Variants in SUGP2 observed in about 807,000 individuals in gnomAD.
SUGP2 encodes the protein SURP and G-patch domain-containing protein 2.
A neutral mutation model predicts 90.5 loss-of-function variants in SUGP2; 24 were observed. The observed-to-expected ratio is 0.27, with a 90% CI of 0.19 to 0.37. The LOEUF is 0.37. SUGP2 is among the 10% of genes least tolerant of loss of function. The probability of loss-of-function intolerance (pLI) is 1.00; values close to 1 mark genes in which losing one functional copy is unlikely to be tolerated. For synonymous variants in SUGP2, 473 were observed against 513.4 expected, an observed-to-expected ratio of 0.92 and a Z score of 1.06; for missense variants, 1,233 against 1,363.3, an observed-to-expected ratio of 0.90 and a Z score of 1.51.
At chr19:19,023,996 C>T (rs561498070) in intron 3 of SUGP2, among the ~76,000 whole-genome samples, 175 of 152,220 alleles carry the variant, frequency 1.1e-3, no homozygotes, top group African/African-American at 3.8e-3. Context: ...CAGAAAGGTA[C>T]GAATCCCCCG....
chr19:19,030,457 T>C (rs931120820), intron 2 of SUGP2, among the ~76,000 whole-genome samples: 4 of 152,172 alleles, frequency 2.6e-5, no homozygotes, highest in Non-Finnish European at 5.9e-5. Flanking sequence ...GAGGTTGCAG[T>C]GAGCCAAGAT....
intron 4 of SUGP2, 101 bp from the exon 5 acceptor site, chr19:19,010,443 C>T: frequency 1.4e-6 from 2 of 1,441,120 alleles, no homozygotes; most frequent in Non-Finnish European, 1.9e-6. Context: ...CAACTCCTCA[C>T]TGTCCTCTCC....
chr19:19,029,636 C>CG (rs1371664741), intron 2 of SUGP2, among the ~76,000 whole-genome samples: 9 of 144,014 alleles, frequency 6.2e-5, no homozygotes, highest in African/African-American at 1.8e-4. Context: ...TTAGTAAAGA[C>CG]GGGGTTTCAC....
rs745468829 is a variant in SUGP2, at chr19:19,025,737, C to A, written c.611G>T (p.Arg204Met). ...TCTGGCCTGGACTTGACTGCCGCCCCTAAGCACAGAGTCAGCCTCCCCAGG... is the reference window on the plus strand; with the variant it reads ...TCTGGCCTGGACTTGACTGCCGCCCATAAGCACAGAGTCAGCCTCCCCAGG... Reference protein sequence around the residue: ...DHPGEADSVLRGGSQVQARGR... With the variant: ...DHPGEADSVLMGGSQVQARGR... The change falls in exon 3 of 11, where the codon AGG becomes ATG. Residue 204 changes from arginine to methionine, a missense_variant. By Grantham distance (91) the Arg-to-Met change is moderately conservative (BLOSUM62 -1). Transcript: ENST00000452918. 9.3e-6 allele frequency: 15 copies of A among 1,613,896 alleles called. No individual in the cohort carries two copies. The highest frequency in any genetic ancestry group is 1.3e-5 in the Non-Finnish European group (15 of 1,180,010).
chr19:19,025,740 A>G lies in SUGP2; in HGVS notation c.608T>C (p.Leu203Pro), dbSNP rs971964758. The G allele has an allele frequency of 5.6e-6, 9 of 1,613,790 alleles. No homozygotes were observed. Among genetic ancestry groups the G allele is most frequent in the Non-Finnish European group, 3.4e-6 (4 of 1,179,970 alleles). The change falls in exon 3 of 11, where the codon CTT becomes CCT. Residue 203 changes from leucine (L) to proline (P), a missense_variant. By Grantham distance (98) the Leu-to-Pro change is moderately conservative. Coordinates refer to ENST00000452918, the MANE Select transcript of SUGP2 (RefSeq NM_001017392.5). ...VDHPGEADSV[L>P]RGGSQVQARG... The stretch of plus-strand genomic sequence containing the variant: ...GGCCTGGACTTGACTGCCGCCCCTA[A>G]GCACAGAGTCAGCCTCCCCAGGATG...
At chr19:19,018,880 G>C (rs897615249) in intron 4 of SUGP2, among the ~76,000 whole-genome samples, 1 of 152,168 alleles carries the variant, frequency 6.6e-6, no homozygotes, top group Non-Finnish European at 1.5e-5. Flanking sequence ...ACTTGGAGCT[G>C]TAGTCACAGG....
Position 19,010,341 on chromosome 19 carries a change from A to G in SUGP2, c.1852T>C (p.Phe618Leu). ...TLLKEDPAYW[F>L]LSDENSLEYK... Reference sequence around the variant, plus strand: ...TCCAGACTATTTTCATCAGACAAAAACCTAGATAACAAAACAAGCATAACG... The same window carrying G: ...TCCAGACTATTTTCATCAGACAAAAGCCTAGATAACAAAACAAGCATAACG... Residue 618 changes from phenylalanine (F) to leucine (L), a missense_variant and splice_region_variant, in exon 5 of 11, where the codon TTT (phenylalanine) becomes CTT (leucine). Coordinates refer to ENST00000452918, the MANE Select transcript of SUGP2 (RefSeq NM_001017392.5). 1 of 1,606,712 alleles carries G rather than the reference A, an allele frequency of 6.2e-7. No individual in the cohort carries two copies. Among genetic ancestry groups the G allele is most frequent in the Non-Finnish European group, 8.5e-7 (1 of 1,177,210 alleles).
upstream of SUGP2, chr19:19,033,811 G>A (rs2059296030): frequency 7.8e-6 from 2 of 255,502 alleles, no homozygotes; most frequent in African/African-American, 4.5e-5. Flanking sequence ...GAGTCTCTGG[G>A]AGGCCAAGCC....
At chr19:19,016,214 G>A (rs2058495250) in intron 4 of SUGP2, among the ~76,000 whole-genome samples, 1 of 151,916 alleles carries the variant, frequency 6.6e-6, no homozygotes, top group Non-Finnish European at 1.5e-5. Context: ...TGTATTTTTA[G>A]TAGAGACAGG....
At position 18,991,628 on chromosome 19, in the gene SUGP2, T is replaced by C. The variant is rs1242528798; in HGVS notation, c.*2113A>G. On this transcript the variant is annotated 3_prime_UTR_variant, in exon 11 of 11. Coordinates refer to ENST00000452918, the MANE Select transcript of SUGP2 (RefSeq NM_001017392.5). ...AAAGCACATGGAATGGTCAGGGCGA[T>C]GCTGGAGAGAGTGCGCTTGATCCAC... is the stretch of plus-strand genomic sequence containing the variant. 6.6e-6 allele frequency: 1 copy of C among 152,262 alleles called. No homozygotes were observed. Among genetic ancestry groups the C allele is most frequent in the African/African-American group, 2.4e-5 (1 of 41,454 alleles). 9.4% of individuals were successfully genotyped at this position (152,262 alleles called of 1,614,324 possible). A position where few individuals can be genotyped will look rare whatever the true frequency, so the allele number is the denominator to read the frequency against.
intron 6 of SUGP2, among the ~76,000 whole-genome samples, chr19:19,006,681 C>T (rs766986615): frequency 3.0e-4 from 45 of 152,246 alleles, no homozygotes; most frequent in Admixed American, 5.2e-4. Context: ...GGAAATCCCA[C>T]ATACACAGTG....
chr19:19,009,174 A>G (rs552196044), intron 5 of SUGP2, among the ~76,000 whole-genome samples: 4 of 152,234 alleles, frequency 2.6e-5, no homozygotes, highest in African/African-American at 9.6e-5. Context: ...TGGCCTCCCA[A>G]AGTGCTGGGA....
upstream of SUGP2, chr19:19,033,752 T>G (rs1325112968): frequency 3.9e-6 from 1 of 253,670 alleles, no homozygotes; most frequent in Non-Finnish European, 7.5e-6. Context: ...GGTGGCCTCG[T>G]TGGCTTTACC....
At chr19:19,030,924 A>T in intron 2 of SUGP2, 27 bp downstream of exon 2, 1 of 1,598,574 alleles carries the variant, frequency 6.3e-7, no homozygotes, top group South Asian at 1.1e-5. Flanking sequence ...CCAAAACAAC[A>T]ACTACAACAA....
chr19:18,994,979 G>T (rs2057514175), intron 9 of SUGP2, 165 bp downstream of exon 9: 2 of 796,382 alleles, frequency 2.5e-6, no homozygotes, highest in Non-Finnish European at 4.1e-6. Context: ...GTAAACACCT[G>T]CACATGTAAA....
At chr19:19,020,448 A>G (rs1456698395) in intron 3 of SUGP2, among the ~76,000 whole-genome samples, 4 of 147,760 alleles carry the variant, frequency 2.7e-5, no homozygotes, top group African/African-American at 1.0e-4. Context: ...AAAAAAAGGC[A>G]AATTTTTTTT....
At chr19:19,015,538 G>A (rs545354151) in intron 4 of SUGP2, among the ~76,000 whole-genome samples, 12 of 151,994 alleles carry the variant, frequency 7.9e-5, no homozygotes, top group Middle Eastern at 3.4e-3. Flanking sequence ...GTCATGCTCC[G>A]TTGTACCCAG....
Position 19,008,349 on chromosome 19 carries a change from G to C in SUGP2, c.2418C>G (p.Ser806Arg). The stretch of plus-strand genomic sequence containing the variant: ...CAGGGTTATCGGTGCTGTTTTCTAT[G>C]CTGAATTGTTCGATCTCTGGTCCCA... ...AQVGPEIEQF[S>R]IENSTDNPDL... Residue 806 changes from serine (S) to arginine (R), a missense_variant, in exon 6 of 11, where the codon AGC becomes AGG. Ser to Arg is a moderately radical substitution (Grantham distance 110). Transcript: ENST00000452918. 1.2e-6 allele frequency: 2 copies of C among 1,614,168 alleles called. No homozygotes were observed. The highest frequency in any genetic ancestry group is 1.7e-6 in the Non-Finnish European group (2 of 1,180,022).
rs1568417664 is a variant in SUGP2 at position 19,011,407 on chromosome 19, C to G, written c.1851-1065G>C. Among the ~76,000 whole-genome samples, 4 of 151,976 alleles carry G rather than the reference C, an allele frequency of 2.6e-5. No homozygotes were observed. In the East Asian group the frequency reaches 7.9e-4, roughly 30 times the overall value. The stretch of plus-strand genomic sequence containing the variant: ...AAGGTAGCCATACGCCTCAGCCTCT[C>G]AAAGTGCTGGGATTACAGGTGTGAG... On this transcript the variant is annotated intron_variant, in intron 4 of 10. Coordinates refer to ENST00000452918, the MANE Select transcript of SUGP2 (RefSeq NM_001017392.5).
Sources: allele counts gnomAD v4.1 joint callset (sites outside exome capture counted in the v4.1 genomes callset), GRCh38; gene constraint gnomAD v4.1.1; transcripts MANE v1.5; gene names NCBI Gene and HGNC (gene_info 2026-07-23, HGNC 2026-07-21).